The following RMDN2 variants were observed in gnomAD, a reference collection of about 807,000 sequenced individuals.
RMDN2 encodes the protein regulator of microtubule dynamics protein 2.
In RMDN2, 61 loss-of-function variants were observed where a neutral mutation model predicts 52.8. That is an observed-to-expected ratio of 1.16 (90% CI 0.94 to 1.43). The LOEUF is 1.43. Ranked by LOEUF, RMDN2 falls within the 40% of genes most tolerant of loss-of-function variation. The pLI is 0.00. For synonymous variants in RMDN2, 180 were observed against 153.1 expected (o/e 1.18, Z -1.30); for missense variants, 592 against 475.3 (o/e 1.25, Z -2.28).
rs80050947 is a variant in RMDN2, at chr2:37,982,670, T to C, written c.791+1327T>C. 7.5e-4 allele frequency among the ~76,000 whole-genome samples: 114 copies of C among 152,246 alleles called. 1 individual carries two copies. In the East Asian group the frequency reaches 0.019, roughly 25 times the overall value. ...GGATTGGAGTACCTAATAGATAAAG[T>C]ATTGTTTTGTACTCGGTGCCTCTGC... On this transcript the variant is annotated intron_variant, in intron 5 of 10. Coordinates refer to ENST00000354545, the MANE Select transcript of RMDN2 (RefSeq NM_001170791.3).
At chr2:38,050,208 A>G (rs1413602876) in intron 10 of RMDN2, among the ~76,000 whole-genome samples, 4 of 152,096 alleles carry the variant, frequency 2.6e-5, no homozygotes, top group Admixed American at 2.0e-4. Context: ...ATGGCCCCAC[A>G]TGATGTGCCT....
At chr2:37,938,237 G>T (rs907895551) in intron 2 of RMDN2, among the ~76,000 whole-genome samples, 4 of 152,208 alleles carry the variant, frequency 2.6e-5, no homozygotes. Context: ...GCATCCCAGG[G>T]ATGAAGGCAA....
At chr2:37,955,149 A>G (rs1488530595) in intron 2 of RMDN2, among the ~76,000 whole-genome samples, 1 of 152,014 alleles carries the variant, frequency 6.6e-6, no homozygotes, top group African/African-American at 2.4e-5. Context: ...ATCAGAGGAT[A>G]CTTTTGCTTC....
chr2:37,975,437 C>G, intron 4 of RMDN2, 123 bp downstream of exon 4: 1 of 572,208 alleles, frequency 1.7e-6, no homozygotes, highest in Middle Eastern at 4.8e-4. Flanking sequence ...AACCATCATT[C>G]TCAGCAAACT....
intron 6 of RMDN2, among the ~76,000 whole-genome samples, chr2:37,990,959 G>T (rs147716746): frequency 5.0e-4 from 76 of 152,138 alleles, no homozygotes; most frequent in African/African-American, 1.8e-3. Flanking sequence ...ATATGACTTC[G>T]GTGTTTTCAA....
At chr2:37,926,368 ATTTTC>A (rs918894568) in intron 1 of RMDN2, among the ~76,000 whole-genome samples, 80 of 152,170 alleles carry the variant, frequency 5.3e-4, no homozygotes, top group African/African-American at 1.7e-3. Flanking sequence ...TTCATATTCT[ATTTTC>A]TTTAGAGTCA....
At position 38,066,832 on chromosome 2, in the gene RMDN2, T is replaced by A. The variant is rs528717193; in HGVS notation, c.1714-150T>A. 1.1e-5 allele frequency: 7 copies of A among 647,920 alleles called. No individual in the cohort carries two copies. In the South Asian group the frequency reaches 1.2e-4, roughly 11 times the overall value. 40.1% of individuals were successfully genotyped at this position (647,920 alleles called of 1,614,324 possible). Reference sequence around the variant, plus strand: ...CTTAACTGTCCTGACATTTCCAAGATCCTACTGTCATACATCTGGAAAACT... The same window carrying A: ...CTTAACTGTCCTGACATTTCCAAGAACCTACTGTCATACATCTGGAAAACT... On this transcript the variant is annotated intron_variant, in intron 10 of 10. Coordinates refer to the RMDN2 transcript ENST00000234195.
chr2:37,967,758 C>G (rs144823926), intron 2 of RMDN2, among the ~76,000 whole-genome samples: 1 of 152,156 alleles, frequency 6.6e-6, no homozygotes, highest in Non-Finnish European at 1.5e-5. Flanking sequence ...AGGCTTCCAC[C>G]TTAGAGTCCT....
chr2:38,055,103 CCTT>C (rs889017736), intron 10 of RMDN2, among the ~76,000 whole-genome samples: 2 of 152,204 alleles, frequency 1.3e-5, no homozygotes, highest in African/African-American at 4.8e-5. Flanking sequence ...AAATCCCACT[CCTT>C]CTCTATTTCC....
intron 9 of RMDN2, 36 bp downstream of exon 9, chr2:38,004,080 T>C (rs778097991): frequency 6.2e-7 from 1 of 1,606,826 alleles, no homozygotes; most frequent in Admixed American, 1.7e-5. Flanking sequence ...AAGATCACTT[T>C]GAACCTATCG....
intron 5 of RMDN2, among the ~76,000 whole-genome samples, chr2:37,986,334 C>T (rs905358356): frequency 6.6e-6 from 1 of 152,092 alleles, no homozygotes; most frequent in African/African-American, 2.4e-5. Flanking sequence ...AAACAGAAAG[C>T]ATCAGGACCA....
rs991505920 is a variant in RMDN2, at chr2:37,950,337, A to G, written c.452+20608A>G. ...CCTCCAACAGTGAAGGTAGAAACAC[A>G]TTCCACAGCCATGTGAATTCCAACT... On this transcript the variant is annotated intron_variant, in intron 2 of 10. Transcript: ENST00000354545. 3.6e-5 allele frequency: 36 copies of G among 996,978 alleles called. No individual in the cohort carries two copies. The Admixed American group carries it at 8.0e-4, about 22-fold the overall frequency. The allele number at this position is 996,978 out of a possible 1,614,324, so 61.8% of individuals were successfully genotyped here. A position where few individuals can be genotyped will look rare whatever the true frequency, so the allele number is the denominator to read the frequency against.
intron 10 of RMDN2, among the ~76,000 whole-genome samples, chr2:38,037,873 A>G (rs1272072720): frequency 6.6e-6 from 1 of 152,232 alleles, no homozygotes; most frequent in Non-Finnish European, 1.5e-5. Flanking sequence ...AGTAGCTCAC[A>G]CGGTGCCACA....
In RMDN2 at chr2:37,951,224, C is replaced by T. The variant is rs774892323; in HGVS notation, c.452+21495C>T. 20 of 1,545,798 alleles carry T rather than the reference C, an allele frequency of 1.3e-5. No individual in the cohort carries two copies. The African/African-American group carries it at 2.4e-4, about 18-fold the overall frequency. ...TTTTTTCCTCATTTGACCCTTTTCT[C>T]ACTCTTAGCTGCTGCAAAGAGGACC... On this transcript the variant is annotated intron_variant, in intron 2 of 10. Transcript: ENST00000354545.
intron 10 of RMDN2, among the ~76,000 whole-genome samples, chr2:38,052,279 G>A (rs1177032212): frequency 1.3e-5 from 2 of 152,144 alleles, no homozygotes; most frequent in Non-Finnish European, 2.9e-5. Flanking sequence ...GATTAGTGAT[G>A]TTGAGAATGT....
chr2:38,021,385 C>G (rs572327666), downstream of RMDN2, among the ~76,000 whole-genome samples: 27 of 152,214 alleles, frequency 1.8e-4, no homozygotes, highest in African/African-American at 6.5e-4. Flanking sequence ...TGCTGGGGTC[C>G]CCCTCTGCAC....
At chr2:38,028,006 CATTT>C (rs745433270) in intron 10 of RMDN2, 12 of 152,290 alleles carry the variant, frequency 7.9e-5, no homozygotes, top group Non-Finnish European at 1.6e-4. Flanking sequence ...GCCACTAATT[CATTT>C]ATTTATTTTG....
chr2:38,016,561 C>G (rs1326611890), intron 10 of RMDN2, among the ~76,000 whole-genome samples: 3 of 152,146 alleles, frequency 2.0e-5, no homozygotes, highest in Non-Finnish European at 4.4e-5. Context: ...ATTTAATGAT[C>G]TCACCTTAGT....
chr2:37,958,648 G>T (rs1669799173), intron 2 of RMDN2, among the ~76,000 whole-genome samples: 1 of 150,756 alleles, frequency 6.6e-6, no homozygotes, highest in Admixed American at 6.6e-5. Flanking sequence ...TTGCCTGGTT[G>T]CCCTGGCCAG....
Sources: gnomAD v4.1 joint callset for allele counts (sites outside exome capture counted in the v4.1 genomes callset) on GRCh38, gnomAD v4.1.1 for gene constraint, MANE v1.5 for transcripts, NCBI Gene and HGNC (gene_info 2026-07-23, HGNC 2026-07-21) for gene names.